Variants in DCAF6 observed in about 807,000 individuals in gnomAD.
DCAF6 encodes the protein DDB1- and CUL4-associated factor 6.
DCAF6 carries 54 observed loss-of-function variants against 125.1 expected under a neutral mutation model. The ratio of observed to expected loss-of-function variants is 0.43; its 90% CI spans 0.35 to 0.54. The LOEUF (loss-of-function observed/expected upper bound fraction) is 0.54. DCAF6 is among the 20% of genes least tolerant of loss of function. The pLI, the probability that DCAF6 is intolerant of heterozygous loss-of-function variation, is 0.01. For missense variants in DCAF6, 934 were observed against 1,161.7 expected, an observed-to-expected ratio of 0.80 and a Z score of 2.85; for synonymous variants, 371 against 390.4, an observed-to-expected ratio of 0.95 and a Z score of 0.58.
intron 17 of DCAF6, among the ~76,000 whole-genome samples, chr1:168,053,099 A>G (rs544448772): frequency 2.6e-5 from 4 of 152,144 alleles, no homozygotes; most frequent in Non-Finnish European, 5.9e-5. Context: ...AAGACCTCCT[A>G]TCACTATCAC....
chr1:167,963,018 G>T (rs766785370), intron 2 of DCAF6, among the ~76,000 whole-genome samples: 32 of 151,996 alleles, frequency 2.1e-4, no homozygotes, highest in Non-Finnish European at 4.1e-4. Context: ...CTAGCACTTT[G>T]GGAGGCCAAG....
chr1:167,866,867 G>A, the DCAF6 span, among the ~76,000 whole-genome samples: 3 of 152,010 alleles, frequency 2.0e-5, no homozygotes, highest in Non-Finnish European at 2.9e-5. Flanking sequence ...ACAACTAGAT[G>A]GGGTTTCCAA....
chr1:167,889,706 C>T, the DCAF6 span, among the ~76,000 whole-genome samples: 1 of 152,102 alleles, frequency 6.6e-6, no homozygotes, highest in African/African-American at 2.4e-5. Flanking sequence ...GGTCCCAGAT[C>T]TTGTTACTTG....
Position 168,075,441 on chromosome 1 carries a change from T to G in DCAF6, c.*6T>G. 1 of 1,590,438 alleles carries G rather than the reference T, an allele frequency of 6.3e-7. No individual in the cohort carries two copies. On this transcript the variant is annotated 3_prime_UTR_variant, in exon 22 of 22. Coordinates refer to ENST00000367840, the MANE Select transcript of DCAF6 (RefSeq NM_001198956.2). ...AAAATGAGGATGAGGAATAATAAAC[T>G]CTTTTTGGCAAGCACTTAAATGTTC...
chr1:167,937,101 C>A, intron 1 of DCAF6, 93 bp downstream of exon 1: 2 of 1,133,410 alleles, frequency 1.8e-6, no homozygotes, highest in Non-Finnish European at 2.6e-6. Flanking sequence ...GGGACGGCGT[C>A]TCGGTGGGGG....
intron 21 of DCAF6, among the ~76,000 whole-genome samples, chr1:168,072,294 T>TGAAAAAAA (rs1693164135): frequency 1.5e-4 from 6 of 41,016 alleles, no homozygotes; most frequent in Non-Finnish European, 1.3e-4. Context: ...AGAATCAGTC[T>TGAAAAAAA]AAAAAAAAAA....
intron 1 of DCAF6, among the ~76,000 whole-genome samples, chr1:167,944,428 C>T (rs1251138264): frequency 6.6e-6 from 1 of 152,150 alleles, no homozygotes; most frequent in Non-Finnish European, 1.5e-5. Context: ...TTTACATTCC[C>T]ACCAATGGTA....
the DCAF6 span, among the ~76,000 whole-genome samples, chr1:167,906,622 CA>C: frequency 0.13 from 14,507 of 109,438 alleles, 880 homozygotes; most frequent in African/African-American, 0.21. Flanking sequence ...CCCATCTCTA[CA>C]AAAAAAAAAA....
At chr1:167,926,914 A>C in the DCAF6 span, among the ~76,000 whole-genome samples, 2 of 151,960 alleles carry the variant, frequency 1.3e-5, no homozygotes, top group African/African-American at 2.4e-5. Context: ...AAACAAAAAA[A>C]CTCCAGGTTA....
intron 4 of DCAF6, among the ~76,000 whole-genome samples, chr1:167,983,461 C>G (rs1363841996): frequency 6.6e-6 from 1 of 152,096 alleles, no homozygotes; most frequent in Non-Finnish European, 1.5e-5. Flanking sequence ...ATAGAGATTT[C>G]TTTAAATGCC....
intron 10 of DCAF6, among the ~76,000 whole-genome samples, chr1:168,010,426 A>T (rs1043707870): frequency 2.0e-5 from 3 of 152,076 alleles, no homozygotes; most frequent in Non-Finnish European, 4.4e-5. Context: ...GGAGTTTTGT[A>T]GCTAAATTAG....
At chr1:168,048,950 A>G (rs1029650522) in intron 16 of DCAF6, among the ~76,000 whole-genome samples, 1 of 152,262 alleles carries the variant, frequency 6.6e-6, no homozygotes, top group Non-Finnish European at 1.5e-5. Flanking sequence ...ATCAAACTAT[A>G]GTCTGTGGTA....
At chr1:168,001,796 T>C (rs1682677352) in intron 7 of DCAF6, among the ~76,000 whole-genome samples, 1 of 152,012 alleles carries the variant, frequency 6.6e-6, no homozygotes, top group African/African-American at 2.4e-5. Flanking sequence ...ATGGAGAAAT[T>C]AGGCTTAAAT....
chr1:168,025,308 G>T (rs1009265439), intron 12 of DCAF6, among the ~76,000 whole-genome samples: 11 of 152,078 alleles, frequency 7.2e-5, no homozygotes, highest in African/African-American at 2.7e-4. Context: ...GCCTGGGTAG[G>T]GTAAATGATA....
chr1:167,993,681 G>A lies in DCAF6; in HGVS notation c.903+241G>A, dbSNP rs147321913. 5.8e-4 allele frequency among the ~76,000 whole-genome samples: 88 copies of A among 152,168 alleles called. No individual in the cohort carries two copies. The East Asian group carries it at 0.014, about 24-fold the overall frequency. On this transcript the variant is annotated intron_variant, in intron 7 of 21. Coordinates refer to ENST00000367840, the MANE Select transcript of DCAF6 (RefSeq NM_001198956.2). ...GCAGAATCGCTTGAACCCGGGAGGC[G>A]GAGGTTGTGGTGAGCCGAAATCACG...
At chr1:168,037,234 G>GA (rs1385254300) in intron 12 of DCAF6, among the ~76,000 whole-genome samples, 1 of 150,814 alleles carries the variant, frequency 6.6e-6, no homozygotes, top group Non-Finnish European at 1.5e-5. Context: ...CAAGAGGAAT[G>GA]AAAAAAGATA....
chr1:167,921,508 C>G, the DCAF6 span, among the ~76,000 whole-genome samples: 1 of 152,158 alleles, frequency 6.6e-6, no homozygotes, highest in Non-Finnish European at 1.5e-5. Context: ...AGGTGTGAGC[C>G]ACCATGCCCG....
chr1:168,024,804 C>CAA (rs76178208), intron 12 of DCAF6, among the ~76,000 whole-genome samples: 1,170 of 74,880 alleles, frequency 0.016, 18 homozygotes, highest in African/African-American at 0.045. Flanking sequence ...ACTCTGTATC[C>CAA]AAAAAAAAAA....
In DCAF6 at chr1:167,985,211, G is replaced by C. The variant is rs530935220; in HGVS notation, c.439-2284G>C. Among the ~76,000 whole-genome samples, 229 of 134,428 alleles carry C rather than the reference G, an allele frequency of 1.7e-3. 2 individuals carry two copies. The highest frequency in any genetic ancestry group is 3.2e-3 in the Non-Finnish European group (195 of 61,504). 88.2% of individuals were successfully genotyped at this position (134,428 alleles called of 152,430 possible). The stretch of plus-strand genomic sequence containing the variant: ...TGTGTGTGTGTGTGTGTGTGTGTGT[G>C]GTGTGTGTGTGTGTGGTGTGTGTGT... On this transcript the variant is annotated intron_variant, in intron 4 of 21. Transcript: ENST00000367840.
Sources: gnomAD v4.1 joint callset for allele counts (sites outside exome capture counted in the v4.1 genomes callset) on GRCh38, gnomAD v4.1.1 for gene constraint, MANE v1.5 for transcripts, NCBI Gene and HGNC (gene_info 2026-07-23, HGNC 2026-07-21) for gene names.